CFAP65: variants seen among roughly 807,000 people sequenced by gnomAD.
CFAP65 encodes cilia- and flagella-associated protein 65.
CFAP65 carries 155 observed loss-of-function variants against 208.0 expected under a neutral mutation model. The observed-to-expected ratio is 0.75, with a 90% CI of 0.65 to 0.85. The LOEUF (loss-of-function observed/expected upper bound fraction) is 0.85. CFAP65 is among the 40% of genes least tolerant of loss of function. The pLI, the probability that CFAP65 is intolerant of heterozygous loss-of-function variation, is 0.00. For missense variants in CFAP65, 2,294 were observed against 2,451.3 expected (o/e 0.94, Z 1.36); for synonymous variants, 970 against 986.3 (o/e 0.98, Z 0.31).
At chr2:219,038,347 G>T in intron 4 of CFAP65, 28 bp downstream of exon 4, 1 of 1,604,986 alleles carries the variant, frequency 6.2e-7, no homozygotes, top group Non-Finnish European at 8.5e-7. Flanking sequence ...GCCACACCCT[G>T]CTCTGCCTGC....
chr2:219,038,323 C>A (rs1028517001), intron 4 of CFAP65, 52 bp downstream of exon 4: 2 of 1,571,046 alleles, frequency 1.3e-6, no homozygotes, highest in South Asian at 1.1e-5. Context: ...CCACCCATGC[C>A]CCGCCCTGGC....
At chr2:219,006,769 G>A (rs1255894845) in intron 29 of CFAP65, among the ~76,000 whole-genome samples, 1 of 151,474 alleles carries the variant, frequency 6.6e-6, no homozygotes, top group African/African-American at 2.4e-5. Context: ...AGGAGGTGGA[G>A]GTTGCAGTGA....
intron 18 of CFAP65, 118 bp downstream of exon 18, chr2:219,021,662 C>T: frequency 8.5e-7 from 1 of 1,169,912 alleles, no homozygotes; most frequent in Non-Finnish European, 1.2e-6. Context: ...ACTCCCACCT[C>T]AGCTTCTTGA....
At chr2:219,021,074 T>C in intron 19 of CFAP65, 78 bp downstream of exon 19, 1 of 1,428,700 alleles carries the variant, frequency 7.0e-7, no homozygotes, top group Non-Finnish European at 9.2e-7. Flanking sequence ...ACGCTCGGCA[T>C]CCACTGCCTC....
intron 16 of CFAP65, among the ~76,000 whole-genome samples, 199 bp downstream of exon 16, chr2:219,023,008 C>A (rs1293650953): frequency 1.3e-5 from 2 of 152,184 alleles, no homozygotes; most frequent in African/African-American, 4.8e-5. Flanking sequence ...TAGTAAATGG[C>A]TTCCCCTTCT....
chr2:219,004,836 G>C lies in CFAP65; in HGVS notation c.5052-381C>G, dbSNP rs74908564. Among the ~76,000 whole-genome samples the C allele has an allele frequency of 0.017, 2,474 of 145,684 alleles. 88 individuals carry two copies. Among genetic ancestry groups the C allele is most frequent in the African/African-American group, 0.058 (2,304 of 39,960 alleles). ...TGTCCTGGGGTGGGGGGGCCGGGGG[G>C]GGGGACCGTGGTGGGATCTTGCAAA... On this transcript the variant is annotated intron_variant, in intron 32 of 34. Transcript: ENST00000341552. This position sits in a 1 kb window ranked among gnomAD's most constrained non-coding sequence, Gnocchi z 4.7.
At position 219,032,585 on chromosome 2, in the gene CFAP65, G is replaced by A. The variant is rs1195527222; in HGVS notation, c.543-13C>T. The A allele has an allele frequency of 6.3e-7, 1 of 1,581,402 alleles. No homozygotes were observed. The highest frequency in any genetic ancestry group is 1.3e-5 in the African/African-American group (1 of 74,244). The stretch of plus-strand genomic sequence containing the variant: ...GGTCTTGGGGGGCCTGCAGGAGAGA[G>A]CCGGTGGGGAGCACCTCAGATCAGG... On this transcript the variant is annotated splice_polypyrimidine_tract_variant and intron_variant, in intron 5 of 34. Coordinates refer to ENST00000341552, the MANE Select transcript of CFAP65 (RefSeq NM_194302.4). The surrounding 1 kb of genome is among the most constrained non-coding windows in gnomAD (Gnocchi z 5.5).
At chr2:219,034,091 T>C (rs1226374410) in intron 5 of CFAP65, 1 of 152,208 alleles carries the variant, frequency 6.6e-6, no homozygotes, top group Non-Finnish European at 1.5e-5. Context: ...TTACACTCTA[T>C]TGAGAGACAG....
At chr2:219,015,976 T>TAA (rs10719158) in intron 21 of CFAP65, among the ~76,000 whole-genome samples, 2 of 151,280 alleles carry the variant, frequency 1.3e-5, no homozygotes, top group East Asian at 3.9e-4. Flanking sequence ...GCCATTACTG[T>TAA]AAAAAAAAAG....
At chr2:219,011,145 G>A (rs891820770) in intron 24 of CFAP65, 149 bp from the exon 25 acceptor site, 8 of 598,944 alleles carry the variant, frequency 1.3e-5, no homozygotes, top group East Asian at 1.1e-4. Flanking sequence ...TTGATCACTC[G>A]AGAAGTATGT....
chr2:219,016,261 T>G (rs1028018063), intron 21 of CFAP65, among the ~76,000 whole-genome samples: 1 of 150,876 alleles, frequency 6.6e-6, no homozygotes, highest in Non-Finnish European at 1.5e-5. Context: ...TTGTCCTCAC[T>G]GCCTTCTGCC....
At chr2:219,008,320 A>G (rs1453145842) in intron 29 of CFAP65, among the ~76,000 whole-genome samples, 1 of 152,168 alleles carries the variant, frequency 6.6e-6, no homozygotes, top group East Asian at 1.9e-4. Flanking sequence ...CCCACTTCTT[A>G]CAGCTGAAGG....
chr2:219,024,255 A>T lies in CFAP65; in HGVS notation c.2355T>A (p.Phe785Leu). 6.2e-7 allele frequency: 1 copy of T among 1,611,124 alleles called. No homozygotes were observed. Among genetic ancestry groups the T allele is most frequent in the Non-Finnish European group, 8.5e-7 (1 of 1,178,536 alleles). ...TGGGCTCACCGGAGGACACTGCTGG[A>T]AATAGCTGGGGGTGGGAGAGGAGGA... is the stretch of plus-strand genomic sequence containing the variant. Reference protein sequence around the residue: ...PQYSLDVPKLFPAVSSGEPTY... With the variant: ...PQYSLDVPKLLPAVSSGEPTY... The change falls in exon 15 of 35, where the codon TTT becomes TTA. Residue 785 changes from phenylalanine (F) to leucine (L), a missense_variant. By Grantham distance (22) the Phe-to-Leu change is conservative. Transcript: ENST00000341552.
chr2:219,024,499 GCACA>G (rs1947503392), intron 14 of CFAP65, among the ~76,000 whole-genome samples: 1 of 135,684 alleles, frequency 7.4e-6, no homozygotes, highest in African/African-American at 2.8e-5. Flanking sequence ...GGGGGCGGGG[GCACA>G]GGCCCCTGGG....
intron 29 of CFAP65, among the ~76,000 whole-genome samples, chr2:219,007,103 T>C (rs1347802514): frequency 6.6e-6 from 1 of 152,104 alleles, no homozygotes; most frequent in Non-Finnish European, 1.5e-5. Context: ...CATTAAGATT[T>C]AATTCAGAAA....
intron 29 of CFAP65, among the ~76,000 whole-genome samples, chr2:219,007,901 C>T (rs1559117130): frequency 6.6e-6 from 1 of 151,998 alleles, no homozygotes; most frequent in Non-Finnish European, 1.5e-5. Flanking sequence ...TCACTGCAAC[C>T]TCCGCCTCCC....
rs112601638 is a variant in CFAP65 at position 219,028,459 on chromosome 2, G to A, written c.1651-58C>T. ...GGAGGGGTGGTAGGGCAAGGGGGGTGCTGGGGGTTGAACTGAGGACAGAAG... is the reference window on the plus strand; with the variant it reads ...GGAGGGGTGGTAGGGCAAGGGGGGTACTGGGGGTTGAACTGAGGACAGAAG... On this transcript the variant is annotated intron_variant, in intron 11 of 34. Transcript: ENST00000341552. 894 of 1,455,266 alleles carry A rather than the reference G, an allele frequency of 6.1e-4. 5 individuals carry two copies. In the African/African-American group the frequency reaches 9.5e-3, roughly 15 times the overall value. 90.1% of individuals were successfully genotyped at this position (1,455,266 alleles called of 1,614,324 possible).
chr2:219,019,062 C>T lies in CFAP65; in HGVS notation c.3591G>A (p.Val1197=). ...CCTTCAAGCCATACCAGTCCAGGGACACCACTCCGCTGTTCTTCAGGGCCA... is the reference window on the plus strand; with the variant it reads ...CCTTCAAGCCATACCAGTCCAGGGATACCACTCCGCTGTTCTTCAGGGCCA... ...VFLALKNSGV[V]SLDWAFLLPS... The change falls in exon 21 of 35, where the codon GTG becomes GTA. Residue 1197 remains valine (V), a synonymous_variant. Coordinates refer to ENST00000341552, the MANE Select transcript of CFAP65 (RefSeq NM_194302.4). 1 of 1,614,230 alleles carries T rather than the reference C, an allele frequency of 6.2e-7. No individual in the cohort carries two copies. The highest frequency in any genetic ancestry group is 8.5e-7 in the Non-Finnish European group (1 of 1,180,026).
intron 21 of CFAP65, among the ~76,000 whole-genome samples, chr2:219,017,436 G>A (rs1946973395): frequency 6.6e-6 from 1 of 152,140 alleles, no homozygotes; most frequent in South Asian, 2.1e-4. Flanking sequence ...GGCCTTGGCA[G>A]GAATAAAACC....
Sources: allele counts gnomAD v4.1 joint callset (sites outside exome capture counted in the v4.1 genomes callset), GRCh38; gene constraint gnomAD v4.1.1; non-coding constraint Gnocchi (gnomAD v3.1); transcripts MANE v1.5; gene names NCBI Gene and HGNC (gene_info 2026-07-23, HGNC 2026-07-21).